Variants in SERINC2 observed in about 807,000 individuals in gnomAD.
SERINC2 encodes the protein serine incorporator 2.
A neutral mutation model predicts 54.2 loss-of-function variants in SERINC2; 56 were observed. The observed-to-expected ratio is 1.03, with a 90% CI of 0.83 to 1.29. SERINC2 has a LOEUF of 1.29. Among genes scored for constraint, SERINC2 ranks in the 50% most tolerant of loss-of-function variants. SERINC2 has a pLI of 0.00. For missense variants in SERINC2, 614 were observed against 607.4 expected, an observed-to-expected ratio of 1.01 and a Z score of -0.12; for synonymous variants, 272 against 253.1, an observed-to-expected ratio of 1.07 and a Z score of -0.71.
chr1:31,434,434 TCTTC>T lies in SERINC2; in HGVS notation c.*241_*244del. 2 of 558,210 alleles carry T rather than the reference TCTTC, an allele frequency of 3.6e-6. No homozygotes were observed. The highest frequency in any genetic ancestry group is 4.6e-5 in the South Asian group (2 of 43,740). 34.6% of individuals were successfully genotyped at this position (558,210 alleles called of 1,614,324 possible). A position where few individuals can be genotyped will look rare whatever the true frequency, so the allele number is the denominator to read the frequency against. Reference sequence around the variant, plus strand: ...GCCACACCCACACGGTGGAGCTGCCTCTTCCTTCCCCTCCTCCCTGTTGCCCATA... The same window carrying T: ...GCCACACCCACACGGTGGAGCTGCCTCTTCCCCTCCTCCCTGTTGCCCATA... On this transcript the variant is annotated 3_prime_UTR_variant, in exon 10 of 10. Transcript: ENST00000373709.
chr1:31,426,777 CCTT>C lies in SERINC2; in HGVS notation c.737_739del (p.Phe246del). On this transcript the variant is annotated inframe_deletion, in exon 6 of 10. Transcript: ENST00000373709. ...AAGGTCTTCATCAGCCTCAACCTCA[CCTT>C]CTGTGTCTGCGTGTCCATCGCTGCT... The C allele has an allele frequency of 9.3e-6, 15 of 1,614,158 alleles. No homozygotes were observed. Among genetic ancestry groups the C allele is most frequent in the Non-Finnish European group, 1.2e-5 (14 of 1,180,028 alleles).
intron 4 of SERINC2, 79 bp downstream of exon 4, chr1:31,425,488 G>A: frequency 1.8e-6 from 2 of 1,093,048 alleles, no homozygotes; most frequent in Non-Finnish European, 2.8e-6. Context: ...TGGTGGGGCT[G>A]CTCTTTGCTG....
chr1:31,432,165 T>TAGGGTGGAC lies in SERINC2; in HGVS notation c.1014-794_1014-793insCAGGGTGGA, dbSNP rs1557501631. On this transcript the variant is annotated intron_variant, in intron 8 of 9. Coordinates refer to ENST00000373709, the MANE Select transcript of SERINC2 (RefSeq NM_178865.5). ...GGGTGGACAGGGTGGACAGGGTGGATAGGGTGGATAGGGTGGATAGGGTGG... is the reference window on the plus strand; with the variant it reads ...GGGTGGACAGGGTGGACAGGGTGGATAGGGTGGACAGGGTGGATAGGGTGGATAGGGTGG... Among the ~76,000 whole-genome samples the TAGGGTGGAC allele has an allele frequency of 1.0e-4, 2 of 19,686 alleles. 1 individual carries two copies. Among genetic ancestry groups the TAGGGTGGAC allele is most frequent in the African/African-American group, 2.7e-4 (2 of 7,540 alleles). 12.9% of individuals were successfully genotyped at this position (19,686 alleles called of 152,430 possible).
chr1:31,425,951 G>C (rs1553133562), intron 5 of SERINC2, 38 bp downstream of exon 5: 3 of 1,593,208 alleles, frequency 1.9e-6, no homozygotes, highest in Non-Finnish European at 1.7e-6. Context: ...GGGGACTCGA[G>C]CCTGGGCAGG....
intron 8 of SERINC2, among the ~76,000 whole-genome samples, chr1:31,430,394 T>C (rs958897650): frequency 7.2e-5 from 11 of 151,738 alleles, no homozygotes; most frequent in African/African-American, 2.7e-4. Flanking sequence ...GAAAGGAACT[T>C]GGCAAGTAGT....
chr1:31,422,659 G>C (rs1640931054), intron 1 of SERINC2, among the ~76,000 whole-genome samples: 1 of 152,194 alleles, frequency 6.6e-6, no homozygotes, highest in Admixed American at 6.5e-5. Flanking sequence ...TATGTCTGTT[G>C]CTCTCCAGGC....
intron 8 of SERINC2, among the ~76,000 whole-genome samples, chr1:31,430,595 T>C (rs1641168675): frequency 1.3e-5 from 2 of 152,200 alleles, no homozygotes; most frequent in Non-Finnish European, 2.9e-5. Context: ...CACTTGAGCC[T>C]GGGAGTTTGC....
chr1:31,430,791 T>A (rs2148525729), intron 8 of SERINC2, among the ~76,000 whole-genome samples: 1 of 152,290 alleles, frequency 6.6e-6, no homozygotes. Flanking sequence ...AGACCCTGAG[T>A]TTGCCTCCCT....
At chr1:31,412,616 CTA>C (rs1640670282), upstream of SERINC2, among the ~76,000 whole-genome samples, 1 of 152,180 alleles carries the variant, frequency 6.6e-6, no homozygotes. Context: ...CTGCAGTGAG[CTA>C]TGTTTGCACC....
intron 3 of SERINC2, 107 bp downstream of exon 3, chr1:31,424,980 G>A (rs1446905001): frequency 7.1e-6 from 6 of 841,442 alleles, no homozygotes; most frequent in East Asian, 2.6e-5. Context: ...CAGGAGCCAC[G>A]GGAGGGCACA....
chr1:31,418,677 C>G (rs1553132486), intron 1 of SERINC2, among the ~76,000 whole-genome samples: 1 of 152,078 alleles, frequency 6.6e-6, no homozygotes, highest in African/African-American at 2.4e-5. Context: ...GCCCAGACAG[C>G]CAGTTTGTTT....
chr1:31,413,235 C>T lies in SERINC2; in HGVS notation c.-31C>T, dbSNP rs1196451566. The T allele has an allele frequency of 9.5e-5, 109 of 1,143,316 alleles. 1 individual carries two copies. In the East Asian group the frequency reaches 4.5e-3, roughly 48 times the overall value. 70.8% of individuals were successfully genotyped at this position (1,143,316 alleles called of 1,614,324 possible). ...CCCGAGGTCCGCGCCCCGCGCCCGG[C>T]GCCGGGCGCCCGAAGCCGGGAGCCG... On this transcript the variant is annotated 5_prime_UTR_variant, in exon 1 of 10. Transcript: ENST00000373709. This position sits in a 1 kb window ranked among gnomAD's most constrained non-coding sequence, Gnocchi z 5.0.
Position 31,431,810 on chromosome 1 carries a change from TGGAC to T in SERINC2, c.1014-1156_1014-1153del, listed in dbSNP as rs1557499875. On this transcript the variant is annotated intron_variant, in intron 8 of 9. Transcript: ENST00000373709. ...GATAGGGTGGATAGGGTGGACAGGG[TGGAC>T]AGGGTGGATAGGGTGGATAGGGTGG... Among the ~76,000 whole-genome samples, 875 of 145,074 alleles carry T rather than the reference TGGAC, an allele frequency of 6.0e-3. 41 individuals carry two copies. The highest frequency in any genetic ancestry group is 0.011 in the South Asian group (48 of 4,430).
chr1:31,431,795 A>ATAGGGTGGATAGGATGGT (rs1641221138), intron 8 of SERINC2, among the ~76,000 whole-genome samples: 1 of 49,710 alleles, frequency 2.0e-5, no homozygotes, highest in Non-Finnish European at 6.5e-5. Flanking sequence ...GATAGGGTGG[A>ATAGGGTGGATAGGATGGT]TAGGGTGGAC....
At chr1:31,418,464 C>T (rs1184207316) in intron 1 of SERINC2, among the ~76,000 whole-genome samples, 1 of 152,160 alleles carries the variant, frequency 6.6e-6, no homozygotes, top group African/African-American at 2.4e-5. Flanking sequence ...CAACTTCTGC[C>T]TCCCGGGTTC....
At chr1:31,424,652 G>A in intron 2 of SERINC2, 31 bp from the exon 3 acceptor site, 1 of 1,538,950 alleles carries the variant, frequency 6.5e-7, no homozygotes, top group East Asian at 2.4e-5. Context: ...TGAGAGGTGG[G>A]GCTTTGACGC....
At chr1:31,409,803 A>G (rs1553131236), upstream of SERINC2, 5 of 1,551,932 alleles carry the variant, frequency 3.2e-6, no homozygotes, top group Non-Finnish European at 3.5e-6. Context: ...CCCAAGGGAT[A>G]GGAGGGCTCA....
chr1:31,427,460 G>A (rs1204685189), intron 6 of SERINC2, among the ~76,000 whole-genome samples: 1 of 152,156 alleles, frequency 6.6e-6, no homozygotes, highest in African/African-American at 2.4e-5. Flanking sequence ...CCTCCCTTCT[G>A]GTCAGAGCCT....
At position 31,429,544 on chromosome 1, in the gene SERINC2, G is replaced by A. The variant is rs1553134181; in HGVS notation, c.1013+6G>A. The A allele has an allele frequency of 9.4e-6, 15 of 1,597,668 alleles. No homozygotes were observed. Among genetic ancestry groups the A allele is most frequent in the Non-Finnish European group, 1.2e-5 (14 of 1,170,374 alleles). ...CTGTGCACCCTCTTCATCAGGTATG[G>A]CCAGGTCTGGATTCTGGGGAAGGAT... On this transcript the variant is annotated splice_donor_region_variant and intron_variant, in intron 8 of 9. Transcript: ENST00000373709.
Sources: allele counts gnomAD v4.1 joint callset (sites outside exome capture counted in the v4.1 genomes callset), GRCh38; gene constraint gnomAD v4.1.1; non-coding constraint Gnocchi (gnomAD v3.1); transcripts MANE v1.5; gene names NCBI Gene and HGNC (gene_info 2026-07-23, HGNC 2026-07-21).